DDX39B: variants seen among roughly 807,000 people sequenced by gnomAD.
DDX39B encodes the protein DExD-box helicase 39B.
A neutral mutation model predicts 46.4 loss-of-function variants in DDX39B; 6 were observed. That is an observed-to-expected ratio of 0.13 (90% CI 0.07 to 0.26). The LOEUF is 0.26. DDX39B is among the 10% of genes least tolerant of loss of function. The pLI is 1.00. For synonymous variants in DDX39B, 174 were observed against 199.4 expected (o/e 0.87, Z 1.07); for missense variants, 185 against 553.4 (o/e 0.33, Z 6.68).
At position 31,530,965 on chromosome 6, in the gene DDX39B, G is replaced by C; in HGVS notation, c.1123-39C>G. The C allele has an allele frequency of 1.9e-6, 3 of 1,613,724 alleles. No homozygotes were observed. The highest frequency in any genetic ancestry group is 2.5e-6 in the Non-Finnish European group (3 of 1,179,680). ...GAGGGTAGCACTGGAAGACCGAAGAGGAAAGAGACCCAGAGGCAGGAATGA... is the reference window on the plus strand; with the variant it reads ...GAGGGTAGCACTGGAAGACCGAAGACGAAAGAGACCCAGAGGCAGGAATGA... On this transcript the variant is annotated intron_variant, in intron 9 of 10. Transcript: ENST00000396172. The surrounding 1 kb of genome is among the most constrained non-coding windows in gnomAD (Gnocchi z 4.5).
chr6:31,532,821 G>A lies in DDX39B; in HGVS notation c.826C>T (p.Arg276Trp). Reference sequence around the variant, plus strand: ...ACATCCAGAAGGTCAAAGAGCTTCCGGTTCTTCTCGTTGTCCTTCAGTTTC... The same window carrying A: ...ACATCCAGAAGGTCAAAGAGCTTCCAGTTCTTCTCGTTGTCCTTCAGTTTC... The part of the protein sequence containing the change: ...YVKLKDNEKN[R>W]KLFDLLDVLE... The change falls in exon 7 of 11, where the codon CGG becomes TGG. Residue 276 changes from arginine (R) to tryptophan (W), a missense_variant. This residue lies in a region of DDX39B where 110 missense variants were observed against 282.2 expected (regional missense o/e 0.39). Coordinates refer to ENST00000396172, the MANE Select transcript of DDX39B (RefSeq NM_004640.7). 6.2e-7 allele frequency: 1 copy of A among 1,611,062 alleles called. No homozygotes were observed. Among genetic ancestry groups the A allele is most frequent in the Non-Finnish European group, 8.5e-7 (1 of 1,179,732 alleles).
chr6:31,538,772 G>T lies in DDX39B; in HGVS notation c.423C>A (p.Pro141=). Residue 141 remains proline, a synonymous_variant, in exon 4 of 11, where the codon CCC becomes CCA. Coordinates refer to ENST00000396172, the MANE Select transcript of DDX39B (RefSeq NM_004640.7). ...KEYERFSKYM[P]NVKVAVFFGG... ...CTTTACCTTGGCTTACCTTGACATT[G>T]GGCATGTATTTAGAGAAGCGCTCAT... The T allele has an allele frequency of 6.2e-7, 1 of 1,612,940 alleles. No homozygotes were observed. The highest frequency in any genetic ancestry group is 8.5e-7 in the Non-Finnish European group (1 of 1,179,602).
chr6:31,539,003 A>G (rs770032337), intron 3 of DDX39B, 144 bp downstream of exon 3: 1 of 1,513,298 alleles, frequency 6.6e-7, no homozygotes, highest in Non-Finnish European at 9.2e-7. Flanking sequence ...CTTGCGACAG[A>G]ACATCCCCCA....
At chr6:31,536,397 T>TA in intron 5 of DDX39B, 103 bp downstream of exon 5, 1 of 1,531,618 alleles carries the variant, frequency 6.5e-7, no homozygotes, top group Non-Finnish European at 9.0e-7. Context: ...GGGTGATAGA[T>TA]AAGAGTCGTC....
Position 31,534,802 on chromosome 6 carries a change from G to T in DDX39B, c.735+565C>A, listed in dbSNP as rs1767597448. ...AGGTTCCAGATGGGTGCAAGGAGAT[G>T]TGGGTGGGAAGGAGTAGGGTATCGG... On this transcript the variant is annotated intron_variant, in intron 6 of 10. Coordinates refer to ENST00000396172, the MANE Select transcript of DDX39B (RefSeq NM_004640.7). This position sits in a 1 kb window ranked among gnomAD's most constrained non-coding sequence, Gnocchi z 5.1. 1 of 313,110 alleles carries T rather than the reference G, an allele frequency of 3.2e-6. No individual in the cohort carries two copies. The highest frequency in any genetic ancestry group is 2.8e-5 in the South Asian group (1 of 36,026). The allele number at this position is 313,110 out of a possible 1,614,324, so 19.4% of individuals were successfully genotyped here.
chr6:31,540,845 T>A (rs1347725972), intron 1 of DDX39B, 181 bp from the exon 2 acceptor site: 1 of 467,490 alleles, frequency 2.1e-6, no homozygotes, highest in Non-Finnish European at 3.9e-6. Context: ...CCAGGGAAAG[T>A]GGTTAGGACA....
In DDX39B at chr6:31,532,777, G is replaced by T; in HGVS notation, c.867+3C>A. The T allele has an allele frequency of 6.2e-7, 1 of 1,610,440 alleles. No individual in the cohort carries two copies. The highest frequency in any genetic ancestry group is 1.1e-5 in the South Asian group (1 of 90,956). ...TCATCCCCCTACTGGACGTCTAACTGACCTGGTTGAACTCAAGGACATCCA... is the reference window on the plus strand; with the variant it reads ...TCATCCCCCTACTGGACGTCTAACTTACCTGGTTGAACTCAAGGACATCCA... On this transcript the variant is annotated splice_donor_region_variant and intron_variant, in intron 7 of 10. Coordinates refer to ENST00000396172, the MANE Select transcript of DDX39B (RefSeq NM_004640.7).
Position 31,531,537 on chromosome 6 carries a change from C to T in DDX39B, c.868-132G>A. On this transcript the variant is annotated intron_variant, in intron 7 of 10. Transcript: ENST00000396172. The surrounding 1 kb of genome is among the most constrained non-coding windows in gnomAD (Gnocchi z 5.8). ...AATTCCTCTTCATTTCTCTTATTCC[C>T]CCACTATATATTTAGAGCAGAAAAG... 1.4e-6 allele frequency: 1 copy of T among 739,774 alleles called. No homozygotes were observed. The highest frequency in any genetic ancestry group is 1.8e-5 in the South Asian group (1 of 56,146). 45.8% of individuals were successfully genotyped at this position (739,774 alleles called of 1,614,324 possible). A position where few individuals can be genotyped will look rare whatever the true frequency, so the allele number is the denominator to read the frequency against.
chr6:31,534,428 T>C lies in DDX39B; in HGVS notation c.735+939A>G, dbSNP rs952186768. On this transcript the variant is annotated intron_variant, in intron 6 of 10. Coordinates refer to ENST00000396172, the MANE Select transcript of DDX39B (RefSeq NM_004640.7). This position sits in a 1 kb window ranked among gnomAD's most constrained non-coding sequence, Gnocchi z 5.1. ...GGGGAAGAACACACTCCACTGCTTATGCAATTGGCCCCACCTAGCCCCAAA... is the reference window on the plus strand; with the variant it reads ...GGGGAAGAACACACTCCACTGCTTACGCAATTGGCCCCACCTAGCCCCAAA... 1 of 467,510 alleles carries C rather than the reference T, an allele frequency of 2.1e-6. No homozygotes were observed. Among genetic ancestry groups the C allele is most frequent in the African/African-American group, 2.0e-5 (1 of 49,742 alleles). 29.0% of individuals were successfully genotyped at this position (467,510 alleles called of 1,614,324 possible). A position where few individuals can be genotyped will look rare whatever the true frequency, so the allele number is the denominator to read the frequency against.
chr6:31,538,259 G>A (rs1308859248), intron 4 of DDX39B, among the ~76,000 whole-genome samples: 1 of 151,978 alleles, frequency 6.6e-6, no homozygotes, highest in Non-Finnish European at 1.5e-5. Context: ...GGGTTCAAGC[G>A]ATTCCCCTGC....
rs3093978 is a variant in DDX39B, at chr6:31,530,720, C to A, written c.1270+59G>T. 1,313,991 of 1,586,998 alleles carry A rather than the reference C, an allele frequency of 0.83. 545,605 individuals carry two copies. The highest frequency in any genetic ancestry group is 0.93 in the South Asian group (83,214 of 89,874). On this transcript the variant is annotated intron_variant, in intron 10 of 10. Transcript: ENST00000396172. The surrounding 1 kb of genome is among the most constrained non-coding windows in gnomAD (Gnocchi z 4.5). Reference sequence around the variant, plus strand: ...GCCCATGACCTATGTGATGGGATTTCGGACAAACACACTAAGGAACAGGGA... The same window carrying A: ...GCCCATGACCTATGTGATGGGATTTAGGACAAACACACTAAGGAACAGGGA...
In DDX39B at chr6:31,535,278, G is replaced by C; in HGVS notation, c.735+89C>G. On this transcript the variant is annotated intron_variant, in intron 6 of 10. Coordinates refer to ENST00000396172, the MANE Select transcript of DDX39B (RefSeq NM_004640.7). This position sits in a 1 kb window ranked among gnomAD's most constrained non-coding sequence, Gnocchi z 4.6. Reference sequence around the variant, plus strand: ...GGCACAAGCCGCCTTCTTGGCACTTGAATGACAAGGGAGTCTGAGGAAGAG... The same window carrying C: ...GGCACAAGCCGCCTTCTTGGCACTTCAATGACAAGGGAGTCTGAGGAAGAG... 1 of 1,307,590 alleles carries C rather than the reference G, an allele frequency of 7.6e-7. No individual in the cohort carries two copies. Among genetic ancestry groups the C allele is most frequent in the South Asian group, 1.2e-5 (1 of 84,632 alleles). The allele number at this position is 1,307,590 out of a possible 1,614,324, so 81.0% of individuals were successfully genotyped here. A position where few individuals can be genotyped will look rare whatever the true frequency, so the allele number is the denominator to read the frequency against.
At chr6:31,541,236 G>GT (rs1396227150) in intron 1 of DDX39B, 1 of 532,866 alleles carries the variant, frequency 1.9e-6, no homozygotes, top group Non-Finnish European at 3.9e-6. Flanking sequence ...CCCTTCCGCT[G>GT]TTTAAGCAAG....
chr6:31,538,459 G>C (rs1420313857), intron 4 of DDX39B, among the ~76,000 whole-genome samples: 1 of 152,154 alleles, frequency 6.6e-6, no homozygotes, highest in African/African-American at 2.4e-5. Context: ...CACTTGGCCA[G>C]AATCCTCAAT....
intron 1 of DDX39B, chr6:31,541,295 C>T (rs1368896760): frequency 1.7e-5 from 8 of 469,142 alleles, no homozygotes; most frequent in African/African-American, 4.1e-5. Context: ...ACAAATGGCT[C>T]GGCCACAAAA....
chr6:31,541,444 G>A, intron 1 of DDX39B: 1 of 370,536 alleles, frequency 2.7e-6, no homozygotes, highest in Non-Finnish European at 5.5e-6. Flanking sequence ...ACTCCTTTTG[G>A]AGAAACATAC....
At chr6:31,540,293 G>GAGCA in intron 2 of DDX39B, 29 bp downstream of exon 2, 1 of 1,608,536 alleles carries the variant, frequency 6.2e-7, no homozygotes, top group Admixed American at 1.7e-5. Context: ...AGAGCCCAAT[G>GAGCA]AGCACTACAT....
At chr6:31,532,236 A>C (rs1185055836) in intron 7 of DDX39B, among the ~76,000 whole-genome samples, 1 of 152,140 alleles carries the variant, frequency 6.6e-6, no homozygotes, top group Non-Finnish European at 1.5e-5. Flanking sequence ...ACAACTTCCT[A>C]AAATCCTTCA....
At position 31,539,289 on chromosome 6, in the gene DDX39B, G is replaced by T; in HGVS notation, c.212-15C>A. The stretch of plus-strand genomic sequence containing the variant: ...CTCATGCTGGACTAAAAGTTGGGGG[G>T]GGAGGAAGATAAATTAGACTTCAGT... On this transcript the variant is annotated splice_polypyrimidine_tract_variant and intron_variant, in intron 2 of 10. Coordinates refer to ENST00000396172, the MANE Select transcript of DDX39B (RefSeq NM_004640.7). The T allele has an allele frequency of 1.9e-6, 3 of 1,606,990 alleles. No homozygotes were observed. Among genetic ancestry groups the T allele is most frequent in the African/African-American group, 1.3e-5 (1 of 74,878 alleles).
Sources: allele counts gnomAD v4.1 joint callset (sites outside exome capture counted in the v4.1 genomes callset), GRCh38; gene constraint gnomAD v4.1.1; regional missense constraint gnomAD v4.1.1; non-coding constraint Gnocchi (gnomAD v3.1); transcripts MANE v1.5; gene names NCBI Gene and HGNC (gene_info 2026-07-23, HGNC 2026-07-21).